The following LEPR variants were observed in gnomAD, a reference collection of about 807,000 sequenced individuals.
LEPR encodes the protein leptin receptor.
LEPR carries 56 observed loss-of-function variants against 114.7 expected under a neutral mutation model. The ratio of observed to expected loss-of-function variants is 0.49; its 90% CI spans 0.39 to 0.61. The LOEUF (loss-of-function observed/expected upper bound fraction) is 0.61. LEPR is among the 20% of genes least tolerant of loss of function. The pLI, the probability that LEPR is intolerant of heterozygous loss-of-function variation, is 0.00. For missense variants in LEPR, 1,202 were observed against 1,352.9 expected (o/e 0.89, Z 1.75); for synonymous variants, 443 against 461.4 (o/e 0.96, Z 0.51).
intron 2 of LEPR, among the ~76,000 whole-genome samples, chr1:65,488,685 A>T (rs1208284563): frequency 6.6e-6 from 1 of 152,004 alleles, no homozygotes; most frequent in Non-Finnish European, 1.5e-5. Flanking sequence ...CTGTTGTGCT[A>T]CCAAATACTA....
intron 2 of LEPR, among the ~76,000 whole-genome samples, chr1:65,541,809 A>G (rs1400450117): frequency 6.6e-6 from 1 of 152,154 alleles, no homozygotes; most frequent in African/African-American, 2.4e-5. Context: ...CATTGAGTTA[A>G]CTCATCAAAG....
intron 2 of LEPR, among the ~76,000 whole-genome samples, chr1:65,461,548 C>T (rs972264322): frequency 2.6e-5 from 4 of 152,100 alleles, no homozygotes; most frequent in Admixed American, 6.6e-5. Context: ...TAAATATCCA[C>T]GAGTCTGTCC....
intron 2 of LEPR, among the ~76,000 whole-genome samples, chr1:65,451,413 C>T (rs919564143): frequency 2.0e-5 from 3 of 151,960 alleles, no homozygotes; most frequent in African/African-American, 7.2e-5. Context: ...GGTTTTAGGT[C>T]TAATGTTTAA....
chr1:65,451,719 C>G (rs1306527598), intron 2 of LEPR, among the ~76,000 whole-genome samples: 2 of 151,898 alleles, frequency 1.3e-5, no homozygotes, highest in Non-Finnish European at 2.9e-5. Flanking sequence ...AGTGATGCCT[C>G]CAGCTTTGTT....
chr1:65,484,965 C>T (rs534970951), intron 2 of LEPR, among the ~76,000 whole-genome samples: 120 of 152,282 alleles, frequency 7.9e-4, no homozygotes, highest in Admixed American at 2.1e-3. Flanking sequence ...AAGGAACTAT[C>T]TTTCAGACAA....
chr1:65,514,196 G>A (rs1649169394), intron 2 of LEPR, among the ~76,000 whole-genome samples: 1 of 152,186 alleles, frequency 6.6e-6, no homozygotes, highest in African/African-American at 2.4e-5. Flanking sequence ...GAATTTCACT[G>A]CTGTTACATA....
At chr1:65,624,105 G>A (rs1015514155) in intron 19 of LEPR, among the ~76,000 whole-genome samples, 1 of 152,004 alleles carries the variant, frequency 6.6e-6, no homozygotes, top group African/African-American at 2.4e-5. Flanking sequence ...TGTTCTTTAT[G>A]TGCAAAGCAC....
intron 5 of LEPR, among the ~76,000 whole-genome samples, chr1:65,586,141 T>C (rs956583051): frequency 6.6e-6 from 1 of 151,898 alleles, no homozygotes; most frequent in African/African-American, 2.4e-5. Context: ...ATAAGGCACG[T>C]TGGGTGTAAT....
At chr1:65,453,455 A>C (rs1305599158) in intron 2 of LEPR, among the ~76,000 whole-genome samples, 2 of 151,768 alleles carry the variant, frequency 1.3e-5, no homozygotes, top group African/African-American at 4.8e-5. Flanking sequence ...CTTTGAATGC[A>C]TCCCAGAGAT....
chr1:65,621,290 A>G (rs1211951785), intron 17 of LEPR, 63 bp from the exon 18 acceptor site: 17 of 1,408,394 alleles, frequency 1.2e-5, no homozygotes, highest in Non-Finnish European at 4.0e-6. Flanking sequence ...ATAATTTTTG[A>G]TACAGAAAGA....
chr1:65,588,102 A>G (rs1245017631), intron 5 of LEPR, among the ~76,000 whole-genome samples: 1 of 151,960 alleles, frequency 6.6e-6, no homozygotes, highest in Non-Finnish European at 1.5e-5. Flanking sequence ...AGATGGGTAG[A>G]CAGAGACACT....
At chr1:65,427,934 A>G (rs965302393) in intron 2 of LEPR, 7 of 176,506 alleles carry the variant, frequency 4.0e-5, no homozygotes, top group African/African-American at 1.7e-4. Context: ...CAGGATTATC[A>G]TCTATATTGG....
intron 5 of LEPR, among the ~76,000 whole-genome samples, chr1:65,585,058 T>G (rs1655226979): frequency 6.6e-6 from 1 of 152,076 alleles, no homozygotes; most frequent in African/African-American, 2.4e-5. Flanking sequence ...TCTGAATTCC[T>G]CATGGGGTCT....
chr1:65,485,509 AT>A (rs1647441215), intron 2 of LEPR, among the ~76,000 whole-genome samples: 1 of 152,154 alleles, frequency 6.6e-6, no homozygotes, highest in Non-Finnish European at 1.5e-5. Context: ...TTCTGTTGCC[AT>A]AGAGAGCATC....
chr1:65,603,944 CTT>C (rs1656634040), intron 10 of LEPR, among the ~76,000 whole-genome samples: 1 of 151,976 alleles, frequency 6.6e-6, no homozygotes, highest in South Asian at 2.1e-4. Context: ...ATTATATTAA[CTT>C]ATATTAATTT....
intron 2 of LEPR, chr1:65,525,518 C>G: frequency 1.7e-6 from 1 of 605,610 alleles, no homozygotes; most frequent in Non-Finnish European, 2.1e-6. Context: ...CGCGACCGCC[C>G]TAGCCGCTCG....
At chr1:65,598,115 T>TTTTTTTTTTTTTTTA in intron 7 of LEPR, among the ~76,000 whole-genome samples, 1 of 148,214 alleles carries the variant, frequency 6.7e-6, no homozygotes, top group South Asian at 2.2e-4. Context: ...TTTTTTTTTT[T>TTTTTTTTTTTTTTTA]AAGAGATGAG....
intron 2 of LEPR, among the ~76,000 whole-genome samples, chr1:65,467,699 G>A (rs1037380019): frequency 6.6e-6 from 1 of 152,176 alleles, no homozygotes; most frequent in East Asian, 1.9e-4. Context: ...CACCCAGTTC[G>A]TGCTTCTTGG....
At chr1:65,555,987 T>C (rs1652789318) in intron 2 of LEPR, among the ~76,000 whole-genome samples, 1 of 152,198 alleles carries the variant, frequency 6.6e-6, no homozygotes, top group African/African-American at 2.4e-5. Context: ...TCTGAATGTT[T>C]GTGCCACCAC....
Sources: gnomAD v4.1 joint callset for allele counts (sites outside exome capture counted in the v4.1 genomes callset) on GRCh38, gnomAD v4.1.1 for gene constraint, MANE v1.5 for transcripts, NCBI Gene and HGNC (gene_info 2026-07-23, HGNC 2026-07-21) for gene names.